The following CAPN13 variants were observed in gnomAD, a reference collection of about 807,000 sequenced individuals.
The protein encoded by CAPN13 is calpain 13.
A neutral mutation model predicts 98.4 loss-of-function variants in CAPN13; 90 were observed. The ratio of observed to expected loss-of-function variants is 0.92; its 90% CI spans 0.77 to 1.09. CAPN13 has a LOEUF of 1.09. Among genes scored for constraint, CAPN13 ranks in the 50% least tolerant of loss-of-function variants. The pLI, the probability that CAPN13 is intolerant of heterozygous loss-of-function variation, is 0.00. For missense variants in CAPN13, 887 were observed against 841.3 expected (o/e 1.05, Z -0.67); for synonymous variants, 330 against 305.5 (o/e 1.08, Z -0.84).
At chr2:30,807,230 T>C (rs1285316838) in intron 1 of CAPN13, 72 bp downstream of exon 1, 3 of 152,130 alleles carry the variant, frequency 2.0e-5, no homozygotes, top group Non-Finnish European at 4.4e-5. Flanking sequence ...CTCTAGAAAA[T>C]TGTACATGCT....
intron 15 of CAPN13, among the ~76,000 whole-genome samples, chr2:30,740,765 A>G (rs1187898134): frequency 6.6e-6 from 1 of 152,178 alleles, no homozygotes; most frequent in Non-Finnish European, 1.5e-5. Flanking sequence ...CATATGGCAA[A>G]CATTTTTATT....
chr2:30,779,381 C>A (rs1040791819), intron 2 of CAPN13, among the ~76,000 whole-genome samples: 3 of 152,180 alleles, frequency 2.0e-5, no homozygotes, highest in Admixed American at 6.5e-5. Context: ...AATGTAAAGA[C>A]AGTTGAGAGA....
Position 30,751,122 on chromosome 2 carries a change from A to C in CAPN13, c.1217T>G (p.Leu406Arg). 1 of 1,613,764 alleles carries C rather than the reference A, an allele frequency of 6.2e-7. No individual in the cohort carries two copies. Among genetic ancestry groups the C allele is most frequent in the East Asian group, 2.2e-5 (1 of 44,876 alleles). The change falls in exon 11 of 23, where the codon CTC becomes CGC. Residue 406 changes from leucine (L) to arginine (R), a missense_variant. By Grantham distance (102) the Leu-to-Arg change is moderately radical. Coordinates refer to ENST00000295055, the MANE Select transcript of CAPN13 (RefSeq NM_144575.3). Reference protein sequence around the residue: ...NLKAEDAKFPLDFQVILAGSQ... With the variant: ...NLKAEDAKFPRDFQVILAGSQ... ...CCTTACCAGAATCACTTGGAAATCG[A>C]GTGGAAATTTTGCATCTTCTGCTTT...
chr2:30,805,747 C>CTTTTTTTTTTTTTTTTTTT (rs72100161), intron 1 of CAPN13, among the ~76,000 whole-genome samples: 3 of 121,532 alleles, frequency 2.5e-5, no homozygotes, highest in African/African-American at 3.3e-5. Flanking sequence ...GTAGGTTGGT[C>CTTTTTTTTTTTTTTTTTTT]TTTTTTTTTT....
At chr2:30,743,685 A>G (rs1671770764) in intron 12 of CAPN13, 106 bp from the exon 13 acceptor site, 2 of 942,806 alleles carry the variant, frequency 2.1e-6, no homozygotes, top group Non-Finnish European at 3.4e-6. Flanking sequence ...ATTCACCAAG[A>G]TAACATTACA....
chr2:30,785,196 G>C (rs770638648), intron 2 of CAPN13, among the ~76,000 whole-genome samples: 2 of 152,144 alleles, frequency 1.3e-5, no homozygotes, highest in East Asian at 1.9e-4. Flanking sequence ...TTAAGTCAGT[G>C]GGGGGAAAGT....
At chr2:30,800,835 G>A (rs1675227239) in intron 1 of CAPN13, among the ~76,000 whole-genome samples, 1 of 152,138 alleles carries the variant, frequency 6.6e-6, no homozygotes, top group South Asian at 2.1e-4. Flanking sequence ...TTATGATAGG[G>A]TTGAGTAGAC....
At chr2:30,732,941 G>A (rs1262659677) in intron 19 of CAPN13, among the ~76,000 whole-genome samples, 2 of 152,174 alleles carry the variant, frequency 1.3e-5, no homozygotes, top group African/African-American at 2.4e-5. Context: ...CATGACTGTA[G>A]GTGGATTGTT....
intron 17 of CAPN13, 189 bp downstream of exon 17, chr2:30,738,046 T>C (rs1283604120): frequency 3.1e-6 from 2 of 650,404 alleles, no homozygotes; most frequent in Admixed American, 2.3e-5. Context: ...GCTTGATAGA[T>C]GGTAACTATT....
chr2:30,793,667 A>G (rs1245179716), intron 1 of CAPN13, among the ~76,000 whole-genome samples: 5 of 151,924 alleles, frequency 3.3e-5, no homozygotes, highest in Non-Finnish European at 7.4e-5. Context: ...AAAAAACTGA[A>G]GGACTTACCC....
chr2:30,760,311 T>C (rs1351908180), intron 7 of CAPN13, among the ~76,000 whole-genome samples: 2 of 152,164 alleles, frequency 1.3e-5, no homozygotes, highest in Non-Finnish European at 2.9e-5. Context: ...GGATACGCAG[T>C]TTATTGTTAA....
intron 2 of CAPN13, among the ~76,000 whole-genome samples, 157 bp downstream of exon 2, chr2:30,786,971 C>T (rs1274713148): frequency 6.6e-6 from 1 of 152,128 alleles, no homozygotes; most frequent in South Asian, 2.1e-4. Context: ...AGCATCTTCC[C>T]ATCCTGCTGA....
chr2:30,744,277 C>T (rs145377437), intron 12 of CAPN13, among the ~76,000 whole-genome samples: 6 of 152,220 alleles, frequency 3.9e-5, no homozygotes, highest in South Asian at 2.1e-4. Context: ...GCAGGGAAAA[C>T]GGGAAAGGGG....
intron 1 of CAPN13, among the ~76,000 whole-genome samples, chr2:30,792,913 A>G (rs994350977): frequency 5.3e-5 from 8 of 151,966 alleles, no homozygotes; most frequent in Non-Finnish European, 1.2e-4. Flanking sequence ...GTTGATTTAT[A>G]TTTTTAAAAA....
intron 12 of CAPN13, chr2:30,745,259 A>G (rs1369347454): frequency 2.1e-6 from 1 of 473,364 alleles, no homozygotes; most frequent in South Asian, 1.5e-5. Context: ...CCTGAGCCAG[A>G]TGATCTGTTT....
At position 30,745,730 on chromosome 2, in the gene CAPN13, C is replaced by A; in HGVS notation, c.1241G>T (p.Gly414Val). 1 of 1,596,156 alleles carries A rather than the reference C, an allele frequency of 6.3e-7. No individual in the cohort carries two copies. Among genetic ancestry groups the A allele is most frequent in the Non-Finnish European group, 8.5e-7 (1 of 1,178,730 alleles). ...FPLDFQVILAGSQRFREKFPP... is the reference protein window; with the variant it reads ...FPLDFQVILAVSQRFREKFPP... Reference sequence around the variant, plus strand: ...GACGACGCTGAGCCATACCTGTGAGCCAGCCTGTTGGAAACAGGGAGAAAG... The same window carrying A: ...GACGACGCTGAGCCATACCTGTGAGACAGCCTGTTGGAAACAGGGAGAAAG... Residue 414 changes from glycine (G) to valine (V), a missense_variant, in exon 12 of 23, where the codon GGC becomes GTC. Transcript: ENST00000295055.
intron 15 of CAPN13, among the ~76,000 whole-genome samples, chr2:30,739,928 G>T (rs577474551): frequency 1.3e-5 from 2 of 152,178 alleles, no homozygotes; most frequent in Non-Finnish European, 2.9e-5. Flanking sequence ...ATGTCCGGAT[G>T]ATGGGTAAAT....
At chr2:30,728,465 G>C (rs1210623528) in intron 22 of CAPN13, among the ~76,000 whole-genome samples, 2 of 152,122 alleles carry the variant, frequency 1.3e-5, no homozygotes, top group Non-Finnish European at 2.9e-5. Flanking sequence ...AGACATAAAG[G>C]ATCAGGAGTT....
At chr2:30,786,043 C>CG (rs1674259966) in intron 2 of CAPN13, among the ~76,000 whole-genome samples, 2 of 151,842 alleles carry the variant, frequency 1.3e-5, no homozygotes, top group East Asian at 3.9e-4. Context: ...AGGTGTGTCG[C>CG]CTCCCAGAGC....
Sources: allele counts gnomAD v4.1 joint callset (sites outside exome capture counted in the v4.1 genomes callset), GRCh38; gene constraint gnomAD v4.1.1; transcripts MANE v1.5; gene names NCBI Gene and HGNC (gene_info 2026-07-23, HGNC 2026-07-21).